The following CACNA2D3 variants were observed in gnomAD, a reference collection of about 807,000 sequenced individuals.
The protein encoded by CACNA2D3 is calcium voltage-gated channel auxiliary subunit alpha2delta 3, also known as voltage-dependent calcium channel subunit alpha-2/delta-3.
CACNA2D3 carries 60 observed loss-of-function variants against 160.6 expected under a neutral mutation model. The observed-to-expected ratio is 0.37, with a 90% CI of 0.30 to 0.46. The LOEUF (loss-of-function observed/expected upper bound fraction) is 0.46, where lower values mean the gene tolerates loss of function less well. Ranked by LOEUF, CACNA2D3 falls within the 20% of genes least tolerant of loss-of-function variation. The pLI is 1.00. For missense variants in CACNA2D3, 1,205 were observed against 1,365.0 expected, an observed-to-expected ratio of 0.88 and a Z score of 1.85; for synonymous variants, 558 against 492.9, an observed-to-expected ratio of 1.13 and a Z score of -1.75.
chr3:54,253,943 T>G (rs1318730758), intron 2 of CACNA2D3, among the ~76,000 whole-genome samples: 1 of 151,778 alleles, frequency 6.6e-6, no homozygotes, highest in Admixed American at 6.6e-5. Context: ...AATTTTTGTA[T>G]TTTAGTAGAG....
chr3:54,263,618 G>T, intron 2 of CACNA2D3, among the ~76,000 whole-genome samples: 1 of 152,156 alleles, frequency 6.6e-6, no homozygotes, highest in South Asian at 2.1e-4. Flanking sequence ...GAAGCAGTGT[G>T]TGACAGATGT....
intron 11 of CACNA2D3, among the ~76,000 whole-genome samples, chr3:54,703,932 C>T (rs1188559891): frequency 6.6e-6 from 1 of 152,224 alleles, no homozygotes; most frequent in Non-Finnish European, 1.5e-5. Context: ...CAGACCCCTA[C>T]CTCTACCCCT....
chr3:54,414,543 A>T (rs2106735596), intron 4 of CACNA2D3, among the ~76,000 whole-genome samples: 1 of 152,158 alleles, frequency 6.6e-6, no homozygotes, highest in South Asian at 2.1e-4. Context: ...CACGTTAGTG[A>T]CCCTCTTTTT....
chr3:54,895,003 C>A (rs1033695472), intron 25 of CACNA2D3, among the ~76,000 whole-genome samples: 2 of 151,754 alleles, frequency 1.3e-5, no homozygotes, highest in African/African-American at 4.8e-5. Flanking sequence ...AAAAATTTTT[C>A]TTTTAAACAC....
At chr3:54,988,631 T>C (rs1045551663) in intron 31 of CACNA2D3, among the ~76,000 whole-genome samples, 2 of 152,196 alleles carry the variant, frequency 1.3e-5, no homozygotes, top group African/African-American at 4.8e-5. Context: ...CGGTGGCCAG[T>C]GGGTAGGCAG....
chr3:54,200,083 A>G (rs1421688311), intron 2 of CACNA2D3, among the ~76,000 whole-genome samples: 1 of 152,222 alleles, frequency 6.6e-6, no homozygotes, highest in Non-Finnish European at 1.5e-5. Flanking sequence ...GAAAAGGTTT[A>G]CCTGTGGAAT....
At chr3:55,019,445 T>C (rs1408082890) in intron 35 of CACNA2D3, among the ~76,000 whole-genome samples, 15 of 152,148 alleles carry the variant, frequency 9.9e-5, no homozygotes, top group Admixed American at 9.8e-4. Context: ...ATGTCTTTAG[T>C]TATATGCCTT....
intron 35 of CACNA2D3, among the ~76,000 whole-genome samples, chr3:55,030,920 G>A (rs1421348823): frequency 6.6e-6 from 1 of 152,060 alleles, no homozygotes; most frequent in Non-Finnish European, 1.5e-5. Context: ...AAATGAGAGG[G>A]GCGCATGTCT....
chr3:54,945,100 G>T (rs974410005), intron 27 of CACNA2D3, among the ~76,000 whole-genome samples: 1 of 152,174 alleles, frequency 6.6e-6, no homozygotes, highest in Non-Finnish European at 1.5e-5. Context: ...CAGCATCTGA[G>T]AGCTGGGCAG....
At position 55,074,519 on chromosome 3, in the gene CACNA2D3, A is replaced by G. The variant is rs575128216; in HGVS notation, c.*313A>G. On this transcript the variant is annotated 3_prime_UTR_variant, in exon 38 of 38. Transcript: ENST00000474759. ...TTGAAACCTATTGAAACCAATTTAA[A>G]ACTGTGTACTTTTTAAATAAAGTAT... 1.5e-5 allele frequency: 4 copies of G among 261,584 alleles called. No individual in the cohort carries two copies. The Admixed American group carries it at 2.0e-4, about 13-fold the overall frequency. 16.2% of individuals were successfully genotyped at this position (261,584 alleles called of 1,614,324 possible).
At chr3:54,930,486 C>G (rs1479375894) in intron 27 of CACNA2D3, among the ~76,000 whole-genome samples, 2 of 152,168 alleles carry the variant, frequency 1.3e-5, no homozygotes, top group Non-Finnish European at 2.9e-5. Flanking sequence ...GTCTATAAGG[C>G]CCAGCTGGGA....
chr3:54,186,423 C>T (rs2107329654), intron 2 of CACNA2D3, among the ~76,000 whole-genome samples: 1 of 152,152 alleles, frequency 6.6e-6, no homozygotes, highest in East Asian at 1.9e-4. Context: ...GGCTAGTGTG[C>T]ACTGTGGTAA....
intron 5 of CACNA2D3, among the ~76,000 whole-genome samples, chr3:54,527,555 A>T (rs75496522): frequency 6.6e-6 from 1 of 152,164 alleles, no homozygotes; most frequent in Non-Finnish European, 1.5e-5. Flanking sequence ...GGCAAGAGCA[A>T]TCAGGGTCCC....
intron 10 of CACNA2D3, chr3:54,632,305 C>A (rs536140325): frequency 1.3e-5 from 2 of 152,188 alleles, no homozygotes; most frequent in Admixed American, 1.3e-4. Context: ...TCTTTCTTTC[C>A]ATGTGTTTGG....
Position 54,647,348 on chromosome 3 carries a change from A to G in CACNA2D3, c.1167+5107A>G, listed in dbSNP as rs111582298. 4.0e-3 allele frequency among the ~76,000 whole-genome samples: 603 copies of G among 152,372 alleles called. 2 individuals carry two copies. The highest frequency in any genetic ancestry group is 0.014 in the African/African-American group (567 of 41,594). On this transcript the variant is annotated intron_variant, in intron 11 of 37. Coordinates refer to ENST00000474759, the MANE Select transcript of CACNA2D3 (RefSeq NM_018398.3). ...AGGAAATTACTTACCTAGCAATGCT[A>G]TAAAGCATCCGCAAGCCTAGTGGCT...
intron 16 of CACNA2D3, among the ~76,000 whole-genome samples, chr3:54,840,685 A>G (rs1351508912): frequency 1.4e-5 from 2 of 148,056 alleles, no homozygotes; most frequent in African/African-American, 5.0e-5. Context: ...CTGGGATTAC[A>G]GGCGTGAGCC....
chr3:54,562,306 AATTT>A (rs1363780617), intron 5 of CACNA2D3, among the ~76,000 whole-genome samples: 8 of 152,302 alleles, frequency 5.3e-5, no homozygotes, highest in African/African-American at 9.6e-5. Flanking sequence ...ATGTAATTTC[AATTT>A]ATTTATTTTT....
At chr3:54,458,561 A>G (rs533263119) in intron 4 of CACNA2D3, among the ~76,000 whole-genome samples, 16 of 150,178 alleles carry the variant, frequency 1.1e-4, no homozygotes, top group Admixed American at 8.0e-4. Context: ...GTTCCTTTGT[A>G]TGTGATTTGA....
chr3:54,199,108 T>C (rs1701130809), intron 2 of CACNA2D3, among the ~76,000 whole-genome samples: 1 of 152,242 alleles, frequency 6.6e-6, no homozygotes, highest in Non-Finnish European at 1.5e-5. Context: ...TTGTATGCCC[T>C]ATTTCAGTAT....
Sources: gnomAD v4.1 joint callset for allele counts (sites outside exome capture counted in the v4.1 genomes callset) on GRCh38, gnomAD v4.1.1 for gene constraint, MANE v1.5 for transcripts, NCBI Gene and HGNC (gene_info 2026-07-23, HGNC 2026-07-21) for gene names.